TSPEAR: variants seen among roughly 807,000 people sequenced by gnomAD.
TSPEAR encodes thrombospondin-type laminin G domain and EAR repeat-containing protein.
Under a neutral mutation model 71.6 loss-of-function variants are expected in TSPEAR, and 69 were observed. The observed-to-expected ratio is 0.96, with a 90% CI of 0.79 to 1.18. The LOEUF (loss-of-function observed/expected upper bound fraction) is 1.18. Ranked by LOEUF, TSPEAR falls within the 50% of genes most tolerant of loss-of-function variation. TSPEAR has a pLI of 0.00. For synonymous variants in TSPEAR, 402 were observed against 387.2 expected, an observed-to-expected ratio of 1.04 and a Z score of -0.45; for missense variants, 971 against 894.9, an observed-to-expected ratio of 1.09 and a Z score of -1.09.
At chr21:44,691,272 C>T (rs891650013) in intron 1 of TSPEAR, among the ~76,000 whole-genome samples, 1 of 152,212 alleles carries the variant, frequency 6.6e-6, no homozygotes, top group Admixed American at 6.5e-5. Context: ...GGGAACAGAG[C>T]TGATAGCAAA....
chr21:44,530,193 G>T (rs2052939028), intron 4 of TSPEAR, among the ~76,000 whole-genome samples: 1 of 148,614 alleles, frequency 6.7e-6, no homozygotes, highest in African/African-American at 2.6e-5. Context: ...TTTTTTATGT[G>T]AACTTAGAGT....
chr21:44,586,885 A>G (rs1555925758), intron 1 of TSPEAR, among the ~76,000 whole-genome samples: 1 of 152,206 alleles, frequency 6.6e-6, no homozygotes, highest in African/African-American at 2.4e-5. Flanking sequence ...CAAGGGACAT[A>G]CCTCAATGTA....
chr21:44,677,666 G>A (rs782635472), intron 1 of TSPEAR: 823 of 1,352,604 alleles, frequency 6.1e-4, no homozygotes, highest in Non-Finnish European at 7.3e-4. Flanking sequence ...TATCACCTGC[G>A]GTTGCTGAAG....
chr21:44,697,006 T>C (rs1987370043), intron 1 of TSPEAR, among the ~76,000 whole-genome samples: 1 of 151,246 alleles, frequency 6.6e-6, no homozygotes, highest in South Asian at 2.1e-4. Context: ...CACTCCCTCC[T>C]TCCCATCCAG....
Position 44,517,147 on chromosome 21 carries a change from T to G in TSPEAR, c.1566+4736A>C, listed in dbSNP as rs587765802. 2.6e-5 allele frequency: 4 copies of G among 152,408 alleles called. No individual in the cohort carries two copies. In the East Asian group the frequency reaches 7.7e-4, roughly 29 times the overall value. The allele number at this position is 152,408 out of a possible 1,614,324, so 9.4% of individuals were successfully genotyped here. A position where few individuals can be genotyped will look rare whatever the true frequency, so the allele number is the denominator to read the frequency against. ...ACTCCACAGCCCCCAAACCCCCTCT[T>G]ATGCCCTCCCTGACCCCAGACCATC... On this transcript the variant is annotated intron_variant, in intron 9 of 11. Transcript: ENST00000323084.
At chr21:44,705,446 A>C (rs1348611367) in intron 1 of TSPEAR, among the ~76,000 whole-genome samples, 1 of 152,258 alleles carries the variant, frequency 6.6e-6, no homozygotes, top group Non-Finnish European at 1.5e-5. Context: ...GTGAGCCAGG[A>C]AGAACAGAGC....
intron 9 of TSPEAR, chr21:44,517,480 G>A: frequency 3.4e-6 from 1 of 292,366 alleles, no homozygotes; most frequent in Non-Finnish European, 6.8e-6. Flanking sequence ...GTCCAGCTAG[G>A]CTGGGTCATA....
Position 44,612,976 on chromosome 21 carries a change from C to G in TSPEAR, c.83-44971G>C. On this transcript the variant is annotated intron_variant, in intron 1 of 11. Transcript: ENST00000323084. The surrounding 1 kb of genome is among the most constrained non-coding windows in gnomAD (Gnocchi z 4.1). ...TCCTGGGTTAAGTGGCTGCCCCTAC[C>G]TGGGATGGGGTCTCCATGTCTCCCC... 1.3e-6 allele frequency: 2 copies of G among 1,536,716 alleles called. No individual in the cohort carries two copies. The highest frequency in any genetic ancestry group is 2.3e-5 in the East Asian group (1 of 44,376).
At position 44,522,241 on chromosome 21, in the gene TSPEAR, C is replaced by T. The variant is rs1281242506; in HGVS notation, c.1337-129G>A. On this transcript the variant is annotated intron_variant, in intron 8 of 11. Coordinates refer to ENST00000323084, the MANE Select transcript of TSPEAR (RefSeq NM_144991.3). The stretch of plus-strand genomic sequence containing the variant: ...AGACCCACGAGGACAAGGCCAACCG[C>T]TGGGGACATCCTTTCTTACCTTGAG... 3 of 785,146 alleles carry T rather than the reference C, an allele frequency of 3.8e-6. No individual in the cohort carries two copies. The Admixed American group carries it at 6.5e-5, about 17-fold the overall frequency. 48.6% of individuals were successfully genotyped at this position (785,146 alleles called of 1,614,324 possible).
chr21:44,503,248 G>T (rs587754537), intron 11 of TSPEAR, among the ~76,000 whole-genome samples: 9 of 143,520 alleles, frequency 6.3e-5, no homozygotes, highest in South Asian at 2.2e-4. Context: ...GAGCCCACGG[G>T]GGGAAGCAGT....
intron 1 of TSPEAR, among the ~76,000 whole-genome samples, chr21:44,651,975 CTTTCTTTTTTTTTTT>C (rs1984819931): frequency 7.4e-6 from 1 of 134,884 alleles, no homozygotes; most frequent in South Asian, 2.4e-4. Flanking sequence ...CTGAATAAAA[CTTTCTTTTTTTTTTT>C]TTTTTTTTTT....
At chr21:44,688,437 A>G (rs1225618819) in intron 1 of TSPEAR, among the ~76,000 whole-genome samples, 10 of 152,088 alleles carry the variant, frequency 6.6e-5, no homozygotes, top group African/African-American at 2.4e-4. Context: ...AAGGAAAGAG[A>G]CGGCCGGGCG....
chr21:44,564,426 A>C (rs1366686073), intron 2 of TSPEAR, among the ~76,000 whole-genome samples: 1 of 152,208 alleles, frequency 6.6e-6, no homozygotes, highest in Non-Finnish European at 1.5e-5. Context: ...ACTAGATTGA[A>C]AGTAAACAGA....
At chr21:44,682,650 C>G (rs533332877) in intron 1 of TSPEAR, among the ~76,000 whole-genome samples, 2 of 152,340 alleles carry the variant, frequency 1.3e-5, no homozygotes, top group South Asian at 4.1e-4. Context: ...TTTCAGGCAG[C>G]CGTCAACCAG....
In TSPEAR at chr21:44,574,869, C is replaced by T. The variant is rs782080668; in HGVS notation, c.83-6864G>A. The T allele has an allele frequency of 1.2e-5, 20 of 1,612,942 alleles. No individual in the cohort carries two copies. In the South Asian group the frequency reaches 2.0e-4, roughly 16 times the overall value. On this transcript the variant is annotated intron_variant, in intron 1 of 11. Transcript: ENST00000323084. ...CCTCCTCTGCCGCCCCGTGTGCAGG[C>T]CCGCCTGCTGCGTGCCCGTCCCTTC... is the stretch of plus-strand genomic sequence containing the variant.
At chr21:44,696,917 A>G (rs1555950605) in intron 1 of TSPEAR, among the ~76,000 whole-genome samples, 1 of 152,166 alleles carries the variant, frequency 6.6e-6, no homozygotes. Context: ...CCAACAAGGA[A>G]AGAAGCCTGG....
At chr21:44,632,279 A>T (rs1471625465) in intron 1 of TSPEAR, among the ~76,000 whole-genome samples, 3 of 152,242 alleles carry the variant, frequency 2.0e-5, no homozygotes, top group African/African-American at 7.2e-5. Flanking sequence ...GGAAGAGAGA[A>T]GATTAACAGC....
chr21:44,674,308 T>TA (rs370515699), intron 1 of TSPEAR, among the ~76,000 whole-genome samples: 90 of 143,324 alleles, frequency 6.3e-4, no homozygotes, highest in Middle Eastern at 3.6e-3. Context: ...TTTAAAAAGA[T>TA]AAAAAAAAAT....
rs1555931430 is a variant in TSPEAR, at chr21:44,612,556, G to T, written c.83-44551C>A. 1.9e-6 allele frequency: 3 copies of T among 1,613,996 alleles called. No homozygotes were observed. The highest frequency in any genetic ancestry group is 2.2e-5 in the South Asian group (2 of 91,072). ...CATGCTGCCAGCAGTCTAGCTGCCA[G>T]TCAGCTTGCTGCACCTTCTCCCCAT... On this transcript the variant is annotated intron_variant, in intron 1 of 11. Coordinates refer to ENST00000323084, the MANE Select transcript of TSPEAR (RefSeq NM_144991.3). The surrounding 1 kb of genome is among the most constrained non-coding windows in gnomAD (Gnocchi z 4.1).
Sources: allele counts gnomAD v4.1 joint callset (sites outside exome capture counted in the v4.1 genomes callset), GRCh38; gene constraint gnomAD v4.1.1; non-coding constraint Gnocchi (gnomAD v3.1); transcripts MANE v1.5; gene names NCBI Gene and HGNC (gene_info 2026-07-23, HGNC 2026-07-21).